The following FARP1 variants were observed in gnomAD, a reference collection of about 807,000 sequenced individuals.
The protein encoded by FARP1 is FERM, ARHGEF and pleckstrin domain-containing protein 1.
Under a neutral mutation model 128.8 loss-of-function variants are expected in FARP1, and 52 were observed. The ratio of observed to expected loss-of-function variants is 0.40; its 90% confidence interval spans 0.32 to 0.51. The LOEUF (loss-of-function observed/expected upper bound fraction) is 0.51, where lower values mean the gene tolerates loss of function less well. Among genes scored for constraint, FARP1 ranks in the 20% least tolerant of loss-of-function variants. The pLI, the probability that FARP1 is intolerant of heterozygous loss-of-function variation, is 0.45. For missense variants in FARP1, 1,333 were observed against 1,367.9 expected (o/e 0.97, Z 0.40); for synonymous variants, 580 against 551.8 (o/e 1.05, Z -0.72).
At chr13:98,369,810 G>A (rs1889253587) in intron 5 of FARP1, among the ~76,000 whole-genome samples, 1 of 152,150 alleles carries the variant, frequency 6.6e-6, no homozygotes, top group East Asian at 1.9e-4. Context: ...GTCATACATG[G>A]TGTTCAAGCA....
intron 2 of FARP1, among the ~76,000 whole-genome samples, chr13:98,280,827 C>T (rs528305628): frequency 2.0e-5 from 3 of 152,244 alleles, no homozygotes; most frequent in Admixed American, 2.0e-4. Context: ...TATTAGCCCA[C>T]TTATTTAGGG....
At chr13:98,273,353 G>A (rs9556926) in intron 2 of FARP1, among the ~76,000 whole-genome samples, 152,300 of 152,340 alleles carry the variant, frequency 1, 76,130 homozygotes, top group Middle Eastern at 1. Flanking sequence ...TTGATGTCTT[G>A]CTGTCACAAA....
intron 5 of FARP1, among the ~76,000 whole-genome samples, chr13:98,373,149 G>A (rs1202030741): frequency 2.0e-5 from 3 of 152,082 alleles, no homozygotes; most frequent in East Asian, 3.9e-4. Context: ...CCCAGTAAAC[G>A]TGTGTGTTTT....
intron 1 of FARP1, among the ~76,000 whole-genome samples, chr13:98,180,860 T>G (rs147295867): frequency 6.6e-6 from 1 of 152,204 alleles, no homozygotes; most frequent in Non-Finnish European, 1.5e-5. Context: ...CCCTGTTCCT[T>G]AGTATTTCTC....
At chr13:98,441,383 C>G (rs912988720) in intron 24 of FARP1, among the ~76,000 whole-genome samples, 1 of 152,242 alleles carries the variant, frequency 6.6e-6, no homozygotes, top group African/African-American at 2.4e-5. Context: ...GACATGGGAG[C>G]CTTCAGAATG....
intron 2 of FARP1, among the ~76,000 whole-genome samples, chr13:98,308,033 C>CTTTTTT (rs10536692): frequency 1.0e-3 from 17 of 16,960 alleles, no homozygotes; most frequent in Non-Finnish European, 1.8e-3. Context: ...CACTCTCTCT[C>CTTTTTT]TTTTTTTTTT....
intron 1 of FARP1, among the ~76,000 whole-genome samples, chr13:98,192,843 G>A (rs2139240068): frequency 6.6e-6 from 1 of 152,248 alleles, no homozygotes; most frequent in Admixed American, 6.5e-5. Flanking sequence ...AAAAGAACTT[G>A]GTCCGTCTAA....
chr13:98,402,819 T>C (rs1002265759), intron 13 of FARP1: 10 of 152,206 alleles, frequency 6.6e-5, no homozygotes, highest in African/African-American at 2.4e-4. Context: ...TCTCTCTGTG[T>C]GTATATTTAA....
intron 2 of FARP1, among the ~76,000 whole-genome samples, chr13:98,260,726 G>C (rs115548682): frequency 0.014 from 2,067 of 152,314 alleles, 54 homozygotes; most frequent in African/African-American, 0.048. Flanking sequence ...GTTCTAACAC[G>C]TAAGCTGCGT....
intron 1 of FARP1, among the ~76,000 whole-genome samples, chr13:98,168,710 C>T (rs1435201604): frequency 6.6e-6 from 1 of 152,004 alleles, no homozygotes; most frequent in Non-Finnish European, 1.5e-5. Context: ...GTTTTTTTTC[C>T]CCCTTCATTC....
chr13:98,286,524 T>C (rs142609302), intron 2 of FARP1, among the ~76,000 whole-genome samples: 3 of 152,194 alleles, frequency 2.0e-5, no homozygotes, highest in Admixed American at 2.0e-4. Context: ...CTTCTCTCTC[T>C]TCTCTTGTCT....
chr13:98,147,944 T>C (rs1875693787), intron 1 of FARP1, among the ~76,000 whole-genome samples: 1 of 152,064 alleles, frequency 6.6e-6, no homozygotes, highest in African/African-American at 2.4e-5. Context: ...GTCTTTAGGG[T>C]TTTTAAAGGA....
At chr13:98,418,576 A>T (rs1407952725) in intron 16 of FARP1, among the ~76,000 whole-genome samples, 1 of 152,174 alleles carries the variant, frequency 6.6e-6, no homozygotes, top group Non-Finnish European at 1.5e-5. Context: ...GCCTGGCTAG[A>T]TTCCATGTTC....
chr13:98,182,077 T>TA (rs61653439), intron 1 of FARP1, among the ~76,000 whole-genome samples: 13,066 of 148,188 alleles, frequency 0.088, 1,364 homozygotes, highest in East Asian at 0.56. Context: ...CTTTGAAAGC[T>TA]AAAAAAAAAA....
intron 2 of FARP1, among the ~76,000 whole-genome samples, chr13:98,224,286 G>T (rs1881608328): frequency 6.6e-6 from 1 of 152,086 alleles, no homozygotes; most frequent in Admixed American, 6.6e-5. Context: ...CCAGCACTTT[G>T]GGAGGCCGAG....
chr13:98,256,175 C>A (rs572128832), intron 2 of FARP1, among the ~76,000 whole-genome samples: 3 of 152,108 alleles, frequency 2.0e-5, no homozygotes, highest in Non-Finnish European at 4.4e-5. Flanking sequence ...ACCTAAGTTA[C>A]GGTTCATCAT....
rs61064188 is a variant in FARP1, at chr13:98,226,476, C to CTTTT, written c.171+13073_171+13076dup. 3.4e-4 allele frequency among the ~76,000 whole-genome samples: 49 copies of CTTTT among 146,104 alleles called. 1 individual carries two copies. The highest frequency in any genetic ancestry group is 7.8e-4 in the African/African-American group (31 of 39,792). ...CAGGTACCAGGGATTAGGACTTCAT[C>CTTTT]TTTTTTTTTTTTTGTGGAGGAGGGG... On this transcript the variant is annotated intron_variant, in intron 2 of 26. Transcript: ENST00000319562.
At chr13:98,375,829 A>T (rs2140002689) in intron 5 of FARP1, among the ~76,000 whole-genome samples, 1 of 152,114 alleles carries the variant, frequency 6.6e-6, no homozygotes, top group Admixed American at 6.5e-5. Flanking sequence ...GGGTTTTGCC[A>T]TGTTGTCCAG....
At chr13:98,158,479 A>T (rs1313555192) in intron 1 of FARP1, among the ~76,000 whole-genome samples, 1 of 152,098 alleles carries the variant, frequency 6.6e-6, no homozygotes, top group Non-Finnish European at 1.5e-5. Flanking sequence ...TCTTGGGGAG[A>T]TGGTTATTCC....
Sources: gnomAD v4.1 joint callset for allele counts (sites outside exome capture counted in the v4.1 genomes callset) on GRCh38, gnomAD v4.1.1 for gene constraint, MANE v1.5 for transcripts, NCBI Gene and HGNC (gene_info 2026-07-23, HGNC 2026-07-21) for gene names.